RAPGEF3: variants seen among roughly 807,000 people sequenced by gnomAD.
The protein encoded by RAPGEF3 is Rap guanine nucleotide exchange factor 3, also known as 9330170P05Rik.
RAPGEF3 carries 103 observed loss-of-function variants against 129.8 expected under a neutral mutation model. The ratio of observed to expected loss-of-function variants is 0.79; its 90% CI spans 0.68 to 0.93. The LOEUF (loss-of-function observed/expected upper bound fraction) is 0.93, where lower values mean the gene tolerates loss of function less well. Ranked by LOEUF, RAPGEF3 falls within the 40% of genes least tolerant of loss-of-function variation. The pLI is 0.00. For missense variants in RAPGEF3, 1,117 were observed against 1,207.4 expected, an observed-to-expected ratio of 0.93 and a Z score of 1.11; for synonymous variants, 436 against 482.6, an observed-to-expected ratio of 0.90 and a Z score of 1.26.
In RAPGEF3 at chr12:47,757,872, C is replaced by T. The variant is rs1009346419; in HGVS notation, c.213G>A (p.Leu71=). Residue 71 remains leucine, a synonymous_variant, in exon 2 of 28, where the codon CTG becomes CTA. Coordinates refer to ENST00000449771, the MANE Select transcript of RAPGEF3 (RefSeq NM_001098531.4). ...GCAGGTGAAAGGTACTCACCCAGCG[C>T]AGCCCCTGGATGCAGCTCGGACGCT... ...EHQRPSCIQG[L]RWTPLTNSEE... 7.7e-6 allele frequency: 12 copies of T among 1,554,088 alleles called. No homozygotes were observed. The highest frequency in any genetic ancestry group is 2.1e-4 in the Middle Eastern group (1 of 4,844).
intron 24 of RAPGEF3, 95 bp downstream of exon 24, chr12:47,739,048 T>TAA: frequency 9.1e-7 from 1 of 1,096,734 alleles, no homozygotes; most frequent in South Asian, 1.5e-5. Context: ...CACACACAGA[T>TAA]AGGCATGGGA....
In RAPGEF3 at chr12:47,751,404, C is replaced by T; in HGVS notation, c.497G>A (p.Cys166Tyr). Residue 166 changes from cysteine (C) to tyrosine (Y), a missense_variant, in exon 5 of 28, where the codon TGC becomes TAC. Cys to Tyr is a radical substitution (Grantham distance 194). Coordinates refer to ENST00000449771, the MANE Select transcript of RAPGEF3 (RefSeq NM_001098531.4). Reference protein sequence around the residue: ...CQVLLDEGALCHVKHDWAFQD... With the variant: ...CQVLLDEGALYHVKHDWAFQD... ...CACCCTGGGCTCGGGCTCACCATGG[C>T]AGAGGGCACCTTCATCCAGCAGCAC... 6.2e-7 allele frequency: 1 copy of T among 1,614,028 alleles called. No homozygotes were observed. Among genetic ancestry groups the T allele is most frequent in the South Asian group, 1.1e-5 (1 of 91,078 alleles).
Position 47,749,581 on chromosome 12 carries a change from GC to G in RAPGEF3, c.895-46del, listed in dbSNP as rs759989037. ...TCAGCCCGCCCCTGCCGCCCCTGCC[GC>G]CCCCAGCTCTTGCCAGGACAGACCC... On this transcript the variant is annotated intron_variant, in intron 9 of 27. Transcript: ENST00000449771. The surrounding 1 kb of genome is among the most constrained non-coding windows in gnomAD (Gnocchi z 4.5). The G allele has an allele frequency of 8.2e-6, 11 of 1,333,562 alleles. No individual in the cohort carries two copies. The highest frequency in any genetic ancestry group is 1.1e-5 in the Non-Finnish European group (11 of 993,790). 82.6% of individuals were successfully genotyped at this position (1,333,562 alleles called of 1,614,324 possible). A position where few individuals can be genotyped will look rare whatever the true frequency, so the allele number is the denominator to read the frequency against.
At position 47,749,365 on chromosome 12, in the gene RAPGEF3, C is replaced by T. The variant is rs762430940; in HGVS notation, c.1041+25G>A. The T allele has an allele frequency of 1.9e-5, 30 of 1,609,604 alleles. No individual in the cohort carries two copies. The highest frequency in any genetic ancestry group is 2.5e-5 in the Non-Finnish European group (30 of 1,179,912). ...CACTTCTCTGGACGAATGGCCCCTG[C>T]CCTCCCCAACCCCAGCAGCAGCACC... On this transcript the variant is annotated intron_variant, in intron 10 of 27. Transcript: ENST00000449771. This position sits in a 1 kb window ranked among gnomAD's most constrained non-coding sequence, Gnocchi z 4.5.
chr12:47,741,652 G>A (rs1365406875), intron 18 of RAPGEF3, 50 bp from the exon 19 acceptor site: 1 of 1,462,980 alleles, frequency 6.8e-7, no homozygotes, highest in Non-Finnish European at 9.6e-7. Context: ...GGGAGGCCGG[G>A]GACCAGCTGG....
Position 47,743,679 on chromosome 12 carries a change from G to A in RAPGEF3, c.1679-3C>T. 1 of 1,604,734 alleles carries A rather than the reference G, an allele frequency of 6.2e-7. No individual in the cohort carries two copies. The highest frequency in any genetic ancestry group is 8.5e-7 in the Non-Finnish European group (1 of 1,172,384). ...TGGCCGGCAGATGTCATAGGGGACTGAAGAGGAGACCAGACTGAGCTGTGG... is the reference window on the plus strand; with the variant it reads ...TGGCCGGCAGATGTCATAGGGGACTAAAGAGGAGACCAGACTGAGCTGTGG... On this transcript the variant is annotated splice_region_variant and splice_polypyrimidine_tract_variant and intron_variant, in intron 17 of 27. Coordinates refer to ENST00000449771, the MANE Select transcript of RAPGEF3 (RefSeq NM_001098531.4).
chr12:47,751,177 A>C lies in RAPGEF3; in HGVS notation c.542T>G (p.Phe181Cys). 1 of 1,554,148 alleles carries C rather than the reference A, an allele frequency of 6.4e-7. No homozygotes were observed. The highest frequency in any genetic ancestry group is 8.7e-7 in the Non-Finnish European group (1 of 1,148,730). Reference protein sequence around the residue: ...DWAFQDRDAQFYRFPGPEPEP... With the variant: ...DWAFQDRDAQCYRFPGPEPEP... ...GGGCTCGGGCCCGGGGAACCGGTAGAATTGGGCATCTCGGTCCTGGAAGGC... is the reference window on the plus strand; with the variant it reads ...GGGCTCGGGCCCGGGGAACCGGTAGCATTGGGCATCTCGGTCCTGGAAGGC... The change falls in exon 6 of 28, where the codon TTC becomes TGC. Residue 181 changes from phenylalanine to cysteine, a missense_variant. Physicochemically the swap from Phe to Cys is radical, Grantham distance 205. This residue lies in a region of RAPGEF3 where 367 missense variants were observed against 373.4 expected (regional missense o/e 0.98). Transcript: ENST00000449771.
intron 2 of RAPGEF3, 40 bp from the exon 3 acceptor site, chr12:47,752,009 C>G (rs1941782554): frequency 6.2e-7 from 1 of 1,605,476 alleles, no homozygotes; most frequent in Non-Finnish European, 8.5e-7. Context: ...AGTGTGAGGT[C>G]TTCAAGCCCA....
At chr12:47,743,827 G>C (rs1490704526) in intron 17 of RAPGEF3, 151 bp from the exon 18 acceptor site, 2 of 1,364,232 alleles carry the variant, frequency 1.5e-6, no homozygotes, top group Admixed American at 4.0e-5. Context: ...GCAGGTAGGA[G>C]GCAGATCTAG....
chr12:47,754,686 T>A (rs1941949838), intron 2 of RAPGEF3, among the ~76,000 whole-genome samples: 2 of 152,248 alleles, frequency 1.3e-5, no homozygotes, highest in Admixed American at 1.3e-4. Flanking sequence ...GTAAGTTTAG[T>A]TGACTTGATC....
At chr12:47,751,662 TA>T in intron 4 of RAPGEF3, 60 bp downstream of exon 4, 1 of 1,602,342 alleles carries the variant, frequency 6.2e-7, no homozygotes, top group Non-Finnish European at 8.5e-7. Flanking sequence ...GTGCCTGACA[TA>T]AAGTGGAACG....
In RAPGEF3 at chr12:47,741,530, A is replaced by G; in HGVS notation, c.1898T>C (p.Val633Ala). 2 of 1,614,112 alleles carry G rather than the reference A, an allele frequency of 1.2e-6. No individual in the cohort carries two copies. Among genetic ancestry groups the G allele is most frequent in the Non-Finnish European group, 1.7e-6 (2 of 1,180,020 alleles). The change falls in exon 19 of 28, where the codon GTC (valine) becomes GCC (alanine). Residue 633 changes from valine (V) to alanine (A), a missense_variant. Physicochemically the swap from Val to Ala is moderately conservative, Grantham distance 64 (BLOSUM62 0). This residue lies in a region of RAPGEF3 where 643 missense variants were observed against 673.4 expected (regional missense o/e 0.95). Coordinates refer to ENST00000449771, the MANE Select transcript of RAPGEF3 (RefSeq NM_001098531.4). Reference protein sequence around the residue: ...SLGLNERLFVVNPQEVHELIP... With the variant: ...SLGLNERLFVANPQEVHELIP... The stretch of plus-strand genomic sequence containing the variant: ...CAGCTCATGCACTTCCTGTGGGTTG[A>G]CAACAAAGAGACGCTCATTGAGCCC...
chr12:47,741,631 G>A (rs753089319), intron 18 of RAPGEF3, 29 bp from the exon 19 acceptor site: 3 of 1,587,324 alleles, frequency 1.9e-6, no homozygotes, highest in Non-Finnish European at 2.6e-6. Flanking sequence ...CGGACTGGGT[G>A]GGGGAAGGGA....
At chr12:47,742,497 T>C (rs1941222041) in intron 18 of RAPGEF3, among the ~76,000 whole-genome samples, 1 of 152,188 alleles carries the variant, frequency 6.6e-6, no homozygotes, top group Non-Finnish European at 1.5e-5. Flanking sequence ...TCATCCCCAC[T>C]TCTTGAACGC....
At chr12:47,758,161 A>G in intron 1 of RAPGEF3, 83 bp from the exon 2 acceptor site, 4 of 1,493,284 alleles carry the variant, frequency 2.7e-6, no homozygotes, top group Non-Finnish European at 3.6e-6. Flanking sequence ...AGGCAGAACT[A>G]CTTCCTTAGA....
rs148292673 is a variant in RAPGEF3, at chr12:47,742,939, A to G, written c.1825+591T>C. ...GATCCTCAAAAATGTTTGCTGAGTGACTAAACAAATGAAGACTACTTAAGT... is the reference window on the plus strand; with the variant it reads ...GATCCTCAAAAATGTTTGCTGAGTGGCTAAACAAATGAAGACTACTTAAGT... On this transcript the variant is annotated intron_variant, in intron 18 of 27. Transcript: ENST00000449771. Among the ~76,000 whole-genome samples, 597 of 152,340 alleles carry G rather than the reference A, an allele frequency of 3.9e-3. 3 individuals are homozygous for G. The highest frequency in any genetic ancestry group is 4.2e-3 in the Non-Finnish European group (289 of 68,028).
intron 2 of RAPGEF3, chr12:47,752,807 T>C (rs2239189): frequency 0.46 from 70,393 of 152,104 alleles, 16,948 homozygotes; most frequent in African/African-American, 0.57. Context: ...GTTGCTAGCC[T>C]GTGCCCTGCG....
Position 47,749,178 on chromosome 12 carries a change from G to A in RAPGEF3, c.1041+212C>T. On this transcript the variant is annotated intron_variant, in intron 10 of 27. Transcript: ENST00000449771. This position sits in a 1 kb window ranked among gnomAD's most constrained non-coding sequence, Gnocchi z 4.5. ...TCCCCTGGTCTCCCACACTGAGCCT[G>A]AAGTCACTGGTCTCACTGAACTCCT... 4.5e-6 allele frequency: 3 copies of A among 668,042 alleles called. No individual in the cohort carries two copies. The highest frequency in any genetic ancestry group is 5.2e-6 in the Non-Finnish European group (2 of 387,400). 41.4% of individuals were successfully genotyped at this position (668,042 alleles called of 1,614,324 possible).
chr12:47,746,487 C>T, intron 16 of RAPGEF3: 3 of 580,516 alleles, frequency 5.2e-6, no homozygotes, highest in Non-Finnish European at 9.0e-6. Flanking sequence ...AGGGAGGGGC[C>T]TCGCCTTCCT....
Sources: allele counts gnomAD v4.1 joint callset (sites outside exome capture counted in the v4.1 genomes callset), GRCh38; gene constraint gnomAD v4.1.1; regional missense constraint gnomAD v4.1.1; non-coding constraint Gnocchi (gnomAD v3.1); transcripts MANE v1.5; gene names NCBI Gene and HGNC (gene_info 2026-07-23, HGNC 2026-07-21).